ACTR3C: variants seen among roughly 807,000 people sequenced by gnomAD.
ACTR3C encodes the protein actin-related protein 3C.
A neutral mutation model predicts 26.3 loss-of-function variants in ACTR3C; 18 were observed. That is an observed-to-expected ratio of 0.68 (90% CI 0.47 to 1.01). The LOEUF (loss-of-function observed/expected upper bound fraction) is 1.01, where lower values mean the gene tolerates loss of function less well. ACTR3C is among the 50% of genes least tolerant of loss of function. ACTR3C has a pLI of 0.00. For missense variants in ACTR3C, 184 were observed against 250.7 expected (o/e 0.73, Z 1.80); for synonymous variants, 55 against 94.5 (o/e 0.58, Z 2.42).
chr7:149,918,637 T>C, the ACTR3C span, among the ~76,000 whole-genome samples: 3 of 151,576 alleles, frequency 2.0e-5, no homozygotes, highest in African/African-American at 7.3e-5. Flanking sequence ...TTGCAGTGAG[T>C]TGAGATCACG....
chr7:149,892,383 T>C, the ACTR3C span: 3 of 1,547,526 alleles, frequency 1.9e-6, no homozygotes, highest in Middle Eastern at 1.7e-4. Flanking sequence ...CTTTGCTGAC[T>C]CTCTGATGGC....
intron 6 of ACTR3C, among the ~76,000 whole-genome samples, chr7:150,276,427 A>C (rs1232994767): frequency 6.6e-6 from 1 of 152,288 alleles, no homozygotes; most frequent in Admixed American, 6.5e-5. Context: ...TGCTGTTTCT[A>C]TATTGTGTTC....
chr7:150,068,517 G>A, the ACTR3C span, among the ~76,000 whole-genome samples: 1 of 151,908 alleles, frequency 6.6e-6, no homozygotes, highest in Non-Finnish European at 1.5e-5. Flanking sequence ...TCTCATGCCT[G>A]TAATCCCAGC....
chr7:149,958,725 C>T, the ACTR3C span, among the ~76,000 whole-genome samples: 1 of 152,180 alleles, frequency 6.6e-6, no homozygotes, highest in South Asian at 2.1e-4. Flanking sequence ...TAATGAACGT[C>T]TGAGAGAGTA....
the ACTR3C span, among the ~76,000 whole-genome samples, chr7:150,054,867 C>G: frequency 6.6e-6 from 1 of 152,214 alleles, no homozygotes. Flanking sequence ...CTACAGTGAA[C>G]TTGCTTTCAT....
At chr7:150,003,422 G>A in the ACTR3C span, among the ~76,000 whole-genome samples, 1 of 152,064 alleles carries the variant, frequency 6.6e-6, no homozygotes, top group African/African-American at 2.4e-5. Context: ...GGCATGTAGT[G>A]TGTTATGTGG....
chr7:149,899,603 A>G, the ACTR3C span, among the ~76,000 whole-genome samples: 2 of 76,292 alleles, frequency 2.6e-5, no homozygotes, highest in Non-Finnish European at 6.7e-5. Context: ...TGGAAGAAGT[A>G]AAAAAAAAAA....
chr7:150,060,047 G>A, the ACTR3C span, among the ~76,000 whole-genome samples: 1 of 152,186 alleles, frequency 6.6e-6, no homozygotes, highest in Non-Finnish European at 1.5e-5. Context: ...TTATCCTTCT[G>A]GAATTGCATA....
chr7:150,110,987 G>C, the ACTR3C span, among the ~76,000 whole-genome samples: 2 of 151,018 alleles, frequency 1.3e-5, no homozygotes, highest in African/African-American at 4.9e-5. Flanking sequence ...TGTGTAATTG[G>C]ACATGCTGTC....
the ACTR3C span, among the ~76,000 whole-genome samples, chr7:149,900,261 C>T: frequency 6.6e-6 from 1 of 152,028 alleles, no homozygotes; most frequent in Non-Finnish European, 1.5e-5. Context: ...CTGCAACCTC[C>T]ACCTCCCGGG....
At chr7:150,158,942 CG>C in the ACTR3C span, among the ~76,000 whole-genome samples, 1 of 149,660 alleles carries the variant, frequency 6.7e-6, no homozygotes, top group Non-Finnish European at 1.5e-5. Flanking sequence ...CGCAGACACA[CG>C]GGCACACACA....
chr7:150,157,709 A>G, the ACTR3C span, among the ~76,000 whole-genome samples: 1 of 152,370 alleles, frequency 6.6e-6, no homozygotes, highest in African/African-American at 2.4e-5. Flanking sequence ...ATAGACGAAG[A>G]GTAGAATGGG....
At chr7:149,947,118 GGCA>G in the ACTR3C span, among the ~76,000 whole-genome samples, 1,743 of 151,266 alleles carry the variant, frequency 0.012, 44 homozygotes, top group African/African-American at 0.04. Flanking sequence ...CTGAGTCAGT[GGCA>G]GCCACTGCTC....
At chr7:150,077,538 G>C in the ACTR3C span, among the ~76,000 whole-genome samples, 3 of 152,226 alleles carry the variant, frequency 2.0e-5, no homozygotes, top group Admixed American at 1.3e-4. Flanking sequence ...GGAATCCTGA[G>C]TGTTAGGTGA....
At chr7:150,105,085 CTTTTTTTT>C in the ACTR3C span, among the ~76,000 whole-genome samples, 6 of 138,588 alleles carry the variant, frequency 4.3e-5, no homozygotes, top group East Asian at 8.3e-4. Context: ...TTCTTTTTTT[CTTTTTTTT>C]TTTTTTTGAG....
the ACTR3C span, among the ~76,000 whole-genome samples, chr7:150,052,033 T>A: frequency 1.6e-4 from 25 of 152,190 alleles, no homozygotes; most frequent in Non-Finnish European, 5.9e-5. Context: ...TTCCAAATAC[T>A]AATATTTGAA....
chr7:150,040,740 C>T, the ACTR3C span: 1 of 146,352 alleles, frequency 6.8e-6, no homozygotes, highest in African/African-American at 2.7e-5. Context: ...TCTTAGGATC[C>T]CCGATGGGCG....
chr7:150,104,389 CA>C, the ACTR3C span, among the ~76,000 whole-genome samples: 1 of 151,990 alleles, frequency 6.6e-6, no homozygotes. Context: ...TAAAAAAGTT[CA>C]AATACAGAAC....
the ACTR3C span, among the ~76,000 whole-genome samples, chr7:150,068,357 C>G: frequency 6.6e-6 from 1 of 152,200 alleles, no homozygotes; most frequent in Non-Finnish European, 1.5e-5. Context: ...CTCAGCAACA[C>G]TCGGTGCTTC....
Sources: allele counts gnomAD v4.1 joint callset (sites outside exome capture counted in the v4.1 genomes callset), GRCh38; gene constraint gnomAD v4.1.1; transcripts MANE v1.5; gene names NCBI Gene and HGNC (gene_info 2026-07-23, HGNC 2026-07-21).